Variants in ZFPM2 observed in about 807,000 individuals in gnomAD.
ZFPM2 encodes zinc finger protein, FOG family member 2, also known as zinc finger protein ZFPM2.
ZFPM2 carries 20 observed loss-of-function variants against 98.6 expected under a neutral mutation model. The ratio of observed to expected loss-of-function variants is 0.20; its 90% confidence interval spans 0.14 to 0.29. ZFPM2 has a LOEUF of 0.29. Among genes scored for constraint, ZFPM2 ranks in the 10% least tolerant of loss-of-function variants. The probability of loss-of-function intolerance (pLI) is 1.00; values close to 1 mark genes in which losing one functional copy is unlikely to be tolerated. For synonymous variants in ZFPM2, 518 were observed against 502.7 expected, an observed-to-expected ratio of 1.03 and a Z score of -0.41; for missense variants, 1,310 against 1,388.6, an observed-to-expected ratio of 0.94 and a Z score of 0.90.
At chr8:105,407,108 ATTTTTTT>A (rs5893742) in intron 1 of ZFPM2, among the ~76,000 whole-genome samples, 1 of 130,874 alleles carries the variant, frequency 7.6e-6, no homozygotes, top group Non-Finnish European at 1.7e-5. Flanking sequence ...AAATGCTCTA[ATTTTTTT>A]TTTTTTTTTT....
intron 3 of ZFPM2, among the ~76,000 whole-genome samples, chr8:105,543,245 G>A (rs1388508315): frequency 6.6e-6 from 1 of 152,166 alleles, no homozygotes; most frequent in Non-Finnish European, 1.5e-5. Context: ...CAGCATTTTG[G>A]GAGACCAAGG....
chr8:105,622,488 G>C (rs1465351070), intron 4 of ZFPM2, among the ~76,000 whole-genome samples: 1 of 152,050 alleles, frequency 6.6e-6, no homozygotes, highest in East Asian at 1.9e-4. Context: ...CTTTCATAAA[G>C]AGCATCCCAT....
intron 3 of ZFPM2, among the ~76,000 whole-genome samples, chr8:105,486,945 G>A (rs983886520): frequency 1.4e-4 from 21 of 152,158 alleles, no homozygotes; most frequent in African/African-American, 4.6e-4. Flanking sequence ...AAATGTGTAC[G>A]CTTTTGATAG....
intron 1 of ZFPM2, among the ~76,000 whole-genome samples, chr8:105,330,595 C>CACATATATAT (rs1241680528): frequency 2.3e-5 from 2 of 88,232 alleles, no homozygotes; most frequent in African/African-American, 9.1e-5. Flanking sequence ...TATATATATA[C>CACATATATAT]ATATATATAT....
intron 5 of ZFPM2, among the ~76,000 whole-genome samples, chr8:105,721,985 A>G (rs1422987400): frequency 1.3e-5 from 2 of 151,924 alleles, no homozygotes; most frequent in Admixed American, 6.6e-5. Context: ...ATATAGGTAT[A>G]ATTAAAATTT....
intron 4 of ZFPM2, among the ~76,000 whole-genome samples, chr8:105,607,040 G>A (rs1231629690): frequency 2.6e-5 from 4 of 152,044 alleles, no homozygotes; most frequent in Non-Finnish European, 5.9e-5. Flanking sequence ...TTCTAATAAA[G>A]CTCACACAGA....
chr8:105,320,357 C>G (rs1481541394), intron 1 of ZFPM2, among the ~76,000 whole-genome samples: 1 of 150,736 alleles, frequency 6.6e-6, no homozygotes, highest in Non-Finnish European at 1.5e-5. Flanking sequence ...TCTTATACTT[C>G]AGTTCTCACT....
intron 4 of ZFPM2, among the ~76,000 whole-genome samples, chr8:105,600,737 A>G (rs148234865): frequency 5.5e-4 from 83 of 152,064 alleles, no homozygotes; most frequent in African/African-American, 1.9e-3. Context: ...TACTTATTCT[A>G]TATCTCTAAA....
At chr8:105,379,559 G>A (rs935289378) in intron 1 of ZFPM2, among the ~76,000 whole-genome samples, 3 of 152,120 alleles carry the variant, frequency 2.0e-5, no homozygotes, top group Admixed American at 2.0e-4. Flanking sequence ...TTTGAGACCA[G>A]ACTGACCAAC....
chr8:105,615,786 C>T (rs1816402459), intron 4 of ZFPM2, among the ~76,000 whole-genome samples: 1 of 152,040 alleles, frequency 6.6e-6, no homozygotes, highest in Non-Finnish European at 1.5e-5. Context: ...GGAATTCATG[C>T]ATTTTTGACA....
At chr8:105,613,557 C>A (rs556340443) in intron 4 of ZFPM2, among the ~76,000 whole-genome samples, 1 of 152,192 alleles carries the variant, frequency 6.6e-6, no homozygotes, top group East Asian at 1.9e-4. Flanking sequence ...AAATGAAATA[C>A]AAAAGTAGTT....
At chr8:105,503,971 G>A (rs1030017141) in intron 3 of ZFPM2, among the ~76,000 whole-genome samples, 18 of 152,136 alleles carry the variant, frequency 1.2e-4, no homozygotes, top group African/African-American at 4.1e-4. Flanking sequence ...TGAACCCCAT[G>A]ATTTCATGAA....
chr8:105,526,404 A>G (rs760146656), intron 3 of ZFPM2, among the ~76,000 whole-genome samples: 7 of 152,198 alleles, frequency 4.6e-5, no homozygotes, highest in African/African-American at 7.2e-5. Context: ...AAAATGCAAG[A>G]AGAATGTTAG....
At chr8:105,505,648 T>C (rs6997142) in intron 3 of ZFPM2, among the ~76,000 whole-genome samples, 44,164 of 151,972 alleles carry the variant, frequency 0.29, 6,607 homozygotes, top group African/African-American at 0.35. Flanking sequence ...CTAAAAACCA[T>C]GTAAGAAAGA....
In ZFPM2 at chr8:105,798,878, C is replaced by G. The variant is rs765238732; in HGVS notation, c.894C>G (p.Cys298Trp). The change falls in exon 7 of 8, where the codon TGC becomes TGG. Residue 298 changes from cysteine (C) to tryptophan (W), a missense_variant. Physicochemically the swap from Cys to Trp is radical, Grantham distance 215 (BLOSUM62 -2). Coordinates refer to ENST00000407775, the MANE Select transcript of ZFPM2 (RefSeq NM_012082.4). ...EDSAHQISSL[C>W]PFPQCTKSFS... ...GTGCCCATCAGATTTCCAGCCTGTG[C>G]CCCTTCCCACAGTGCACCAAGAGCT... 1 of 1,613,910 alleles carries G rather than the reference C, an allele frequency of 6.2e-7. No individual in the cohort carries two copies. Among genetic ancestry groups the G allele is most frequent in the East Asian group, 2.2e-5 (1 of 44,878 alleles).
At chr8:105,352,393 GT>G (rs1463291944) in intron 1 of ZFPM2, among the ~76,000 whole-genome samples, 1 of 152,042 alleles carries the variant, frequency 6.6e-6, no homozygotes, top group Non-Finnish European at 1.5e-5. Context: ...CTAGGACATA[GT>G]TTTTCTTAAC....
At chr8:105,571,831 C>A in intron 4 of ZFPM2, among the ~76,000 whole-genome samples, 1 of 152,072 alleles carries the variant, frequency 6.6e-6, no homozygotes, top group Non-Finnish European at 1.5e-5. Context: ...TGGTTTTAAT[C>A]TAATTTTCAA....
At chr8:105,401,930 T>C (rs985938910) in intron 1 of ZFPM2, among the ~76,000 whole-genome samples, 2 of 152,108 alleles carry the variant, frequency 1.3e-5, no homozygotes, top group African/African-American at 4.8e-5. Context: ...TCCCTGTTTT[T>C]AGGGAACAGC....
chr8:105,770,556 T>A (rs1278657705), intron 5 of ZFPM2, among the ~76,000 whole-genome samples: 2 of 152,080 alleles, frequency 1.3e-5, no homozygotes, highest in Non-Finnish European at 2.9e-5. Context: ...TCACAGTAAG[T>A]GTTTAAACAA....
Sources: allele counts gnomAD v4.1 joint callset (sites outside exome capture counted in the v4.1 genomes callset), GRCh38; gene constraint gnomAD v4.1.1; transcripts MANE v1.5; gene names NCBI Gene and HGNC (gene_info 2026-07-23, HGNC 2026-07-21).